The following REEP1 variants were observed in gnomAD, a reference collection of about 807,000 sequenced individuals.
The protein encoded by REEP1 is receptor expression-enhancing protein 1.
In REEP1, 22 loss-of-function variants were observed where a neutral mutation model predicts 40.3. The observed-to-expected ratio is 0.55, with a 90% CI of 0.39 to 0.78. The LOEUF (loss-of-function observed/expected upper bound fraction) is 0.78. Among genes scored for constraint, REEP1 ranks in the 30% least tolerant of loss-of-function variants. The pLI is 0.00. For synonymous variants in REEP1, 116 were observed against 139.2 expected (o/e 0.83, Z 1.17); for missense variants, 280 against 361.1 (o/e 0.78, Z 1.82).
intron 8 of REEP1, among the ~76,000 whole-genome samples, chr2:86,218,465 C>G (rs533783310): frequency 6.6e-6 from 1 of 152,344 alleles, no homozygotes; most frequent in East Asian, 1.9e-4. Context: ...CATGCTACAG[C>G]CTTACCACTA....
chr2:86,313,490 CTT>C (rs1356528903), intron 1 of REEP1, among the ~76,000 whole-genome samples: 5 of 152,066 alleles, frequency 3.3e-5, no homozygotes, highest in Non-Finnish European at 1.5e-5. Context: ...CCCTCAACCT[CTT>C]TGTTTTATGA....
intron 2 of REEP1, among the ~76,000 whole-genome samples, chr2:86,277,974 T>C (rs922782686): frequency 6.9e-6 from 1 of 145,858 alleles, no homozygotes; most frequent in Non-Finnish European, 1.6e-5. Context: ...AAGTAATCAG[T>C]TTAATATTTA....
chr2:86,290,368 C>T (rs1250356211), intron 1 of REEP1, among the ~76,000 whole-genome samples: 3 of 152,170 alleles, frequency 2.0e-5, no homozygotes, highest in African/African-American at 7.2e-5. Context: ...GCTGTTTACA[C>T]AACTGTATAA....
chr2:86,330,836 C>G (rs911814783), intron 1 of REEP1, among the ~76,000 whole-genome samples: 1 of 152,162 alleles, frequency 6.6e-6, no homozygotes, highest in Non-Finnish European at 1.5e-5. Context: ...CCCTGCCAAC[C>G]CACAGTAACA....
intron 5 of REEP1, among the ~76,000 whole-genome samples, chr2:86,249,317 T>TA (rs1676143789): frequency 6.6e-6 from 1 of 151,452 alleles, no homozygotes; most frequent in Admixed American, 6.6e-5. Context: ...CAACTGGCAG[T>TA]AAATTTTGGA....
intron 1 of REEP1, among the ~76,000 whole-genome samples, chr2:86,295,094 A>G (rs1341156485): frequency 6.6e-6 from 1 of 152,280 alleles, no homozygotes; most frequent in East Asian, 1.9e-4. Flanking sequence ...GCTTTACTTC[A>G]ATGAGCAAAA....
chr2:86,245,095 T>C (rs1352051150), intron 5 of REEP1, among the ~76,000 whole-genome samples: 1 of 151,902 alleles, frequency 6.6e-6, no homozygotes, highest in Non-Finnish European at 1.5e-5. Context: ...TGCAGTGAGC[T>C]GAGATTGTGC....
At chr2:86,217,209 T>A in intron 8 of REEP1, 99 bp from the exon 9 acceptor site, 1 of 1,009,578 alleles carries the variant, frequency 9.9e-7, no homozygotes, top group Non-Finnish European at 1.6e-6. Context: ...TTCCAGCTCC[T>A]TTGGCCAAAT....
intron 1 of REEP1, among the ~76,000 whole-genome samples, chr2:86,303,045 AT>A (rs764723648): frequency 1.3e-5 from 2 of 152,034 alleles, no homozygotes; most frequent in East Asian, 1.9e-4. Context: ...TTTTAAAAAA[AT>A]ATTTTTATTT....
At chr2:86,317,856 G>A (rs1436334425) in intron 1 of REEP1, among the ~76,000 whole-genome samples, 1 of 152,176 alleles carries the variant, frequency 6.6e-6, no homozygotes, top group Non-Finnish European at 1.5e-5. Context: ...ACTGAGTTGT[G>A]TGCTGAATTA....
At chr2:86,327,054 A>G (rs1174678807) in intron 1 of REEP1, among the ~76,000 whole-genome samples, 1 of 152,226 alleles carries the variant, frequency 6.6e-6, no homozygotes. Context: ...GAACAAGGGC[A>G]TGACATCACC....
At chr2:86,323,956 T>C (rs1020624447) in intron 1 of REEP1, among the ~76,000 whole-genome samples, 5 of 151,986 alleles carry the variant, frequency 3.3e-5, no homozygotes, top group Admixed American at 1.3e-4. Context: ...TGGCTTTTCA[T>C]GTGAAGAAAA....
At position 86,215,097 on chromosome 2, in the gene REEP1, T is replaced by A. The variant is rs931724179; in HGVS notation, c.*1942A>T. ...ACTTCCAACTAACAGGTAAATACAT[T>A]TTAAAGAGTATATTCTTCTTCTGTC... is the stretch of plus-strand genomic sequence containing the variant. On this transcript the variant is annotated 3_prime_UTR_variant, in exon 9 of 9. Transcript: ENST00000538924. 6.6e-5 allele frequency: 10 copies of A among 151,012 alleles called. No homozygotes were observed. The highest frequency in any genetic ancestry group is 2.4e-4 in the African/African-American group (10 of 40,962). 9.4% of individuals were successfully genotyped at this position (151,012 alleles called of 1,614,324 possible). A position where few individuals can be genotyped will look rare whatever the true frequency, so the allele number is the denominator to read the frequency against.
intron 5 of REEP1, among the ~76,000 whole-genome samples, chr2:86,239,194 A>G (rs975100020): frequency 7.7e-6 from 1 of 129,478 alleles, no homozygotes; most frequent in Non-Finnish European, 1.6e-5. Flanking sequence ...GATGCTGACC[A>G]ATGCCATCTA....
intron 1 of REEP1, among the ~76,000 whole-genome samples, chr2:86,322,378 T>G (rs917122733): frequency 6.6e-6 from 1 of 152,070 alleles, no homozygotes; most frequent in African/African-American, 2.4e-5. Flanking sequence ...AACCTATCTC[T>G]AAAAATAAAA....
intron 1 of REEP1, among the ~76,000 whole-genome samples, chr2:86,333,623 C>T (rs1381219072): frequency 1.3e-5 from 2 of 152,160 alleles, no homozygotes; most frequent in African/African-American, 4.8e-5. Context: ...GAGGCAATAC[C>T]TGCTCCTTAG....
At chr2:86,233,653 T>C (rs1675146590) in intron 5 of REEP1, among the ~76,000 whole-genome samples, 1 of 152,086 alleles carries the variant, frequency 6.6e-6, no homozygotes, top group Admixed American at 6.6e-5. Flanking sequence ...CCTCAGGGGC[T>C]GCAGAGAGAG....
At position 86,335,550 on chromosome 2, in the gene REEP1, A is replaced by C. The variant is rs1054936134; in HGVS notation, c.32+1929T>G. ...TCCTCTCCACCCCCATCAGTTGCTC[A>C]TTGTAAAAAAGGGGGAGGAGCCGGG... On this transcript the variant is annotated intron_variant, in intron 1 of 8. Coordinates refer to ENST00000538924, the MANE Select transcript of REEP1 (RefSeq NM_001371279.1). Among the ~76,000 whole-genome samples, 5 of 152,170 alleles carry C rather than the reference A, an allele frequency of 3.3e-5. No individual in the cohort carries two copies. The Middle Eastern group carries it at 0.01, about 311-fold the overall frequency.
intron 1 of REEP1, among the ~76,000 whole-genome samples, chr2:86,328,033 C>T (rs1680596808): frequency 6.6e-6 from 1 of 152,074 alleles, no homozygotes; most frequent in Non-Finnish European, 1.5e-5. Context: ...GAAGGCAGAG[C>T]TAGGAGAACT....
Sources: gnomAD v4.1 joint callset for allele counts (sites outside exome capture counted in the v4.1 genomes callset) on GRCh38, gnomAD v4.1.1 for gene constraint, MANE v1.5 for transcripts, NCBI Gene and HGNC (gene_info 2026-07-23, HGNC 2026-07-21) for gene names.